The following SIN3A variants were observed in gnomAD, a reference collection of about 807,000 sequenced individuals.
SIN3A encodes the protein SIN3 transcription regulator family member A, also known as paired amphipathic helix protein Sin3a.
A neutral mutation model predicts 146.1 loss-of-function variants in SIN3A; 14 were observed. The observed-to-expected ratio is 0.10, with a 90% CI of 0.06 to 0.15. SIN3A has a LOEUF of 0.15. Among genes scored for constraint, SIN3A ranks in the 10% least tolerant of loss-of-function variants. The probability of loss-of-function intolerance (pLI) is 1.00; values close to 1 mark genes in which losing one functional copy is unlikely to be tolerated. For missense variants in SIN3A, 1,028 were observed against 1,576.0 expected, an observed-to-expected ratio of 0.65 and a Z score of 5.89; for synonymous variants, 572 against 572.0, an observed-to-expected ratio of 1.00 and a Z score of 0.00.
Position 75,430,311 on chromosome 15 carries a change from C to T in SIN3A, c.65G>A (p.Gly22Asp). ...CTGGTGAGGAAAAGCCTCTGTGCTG[C>T]CAGGGATCCGACGCTGCTGGGCTGC... ...VYAAQQRRIPGSTEAFPHQHR... is the reference protein window; with the variant it reads ...VYAAQQRRIPDSTEAFPHQHR... The change falls in exon 2 of 21, where the codon GGC (glycine) becomes GAC (aspartate). Residue 22 changes from glycine to aspartate, a missense_variant. Physicochemically the swap from Gly to Asp is moderately conservative, Grantham distance 94. Around this residue, in one of 9 missense-constraint regions of SIN3A, gnomAD observed 152 missense variants for 231.5 expected, o/e 0.66. Coordinates refer to ENST00000394947, the MANE Select transcript of SIN3A (RefSeq NM_001145358.2). 3 of 1,614,120 alleles carry T rather than the reference C, an allele frequency of 1.9e-6. No individual in the cohort carries two copies. The highest frequency in any genetic ancestry group is 2.5e-6 in the Non-Finnish European group (3 of 1,180,016).
intron 16 of SIN3A, 47 bp from the exon 17 acceptor site, chr15:75,384,484 C>T (rs1003606461): frequency 2.3e-5 from 31 of 1,327,904 alleles, no homozygotes; most frequent in Non-Finnish European, 2.8e-5. Flanking sequence ...GAAAACATTT[C>T]TCCATTATAC....
At chr15:75,378,466 A>T (rs975663465) in intron 19 of SIN3A, among the ~76,000 whole-genome samples, 6 of 152,194 alleles carry the variant, frequency 3.9e-5, no homozygotes, top group African/African-American at 1.4e-4. Flanking sequence ...CGGGAGGCTG[A>T]GGCAGGAGAA....
intron 1 of SIN3A, among the ~76,000 whole-genome samples, chr15:75,444,533 G>C (rs780059035): frequency 2.2e-4 from 33 of 151,906 alleles, no homozygotes; most frequent in Non-Finnish European, 3.8e-4. Flanking sequence ...TTTACAAGTA[G>C]TTAGTACTGC....
chr15:75,455,388 G>T (rs1358934087), upstream of SIN3A, among the ~76,000 whole-genome samples: 1 of 152,138 alleles, frequency 6.6e-6, no homozygotes. Context: ...TTTCTTTCCA[G>T]TATTTTTCTT....
intron 19 of SIN3A, 143 bp downstream of exon 19, chr15:75,380,486 C>T: frequency 1.6e-6 from 1 of 626,326 alleles, no homozygotes; most frequent in Non-Finnish European, 2.9e-6. Context: ...TTGTGACAGC[C>T]ATATAAAACC....
intron 20 of SIN3A, among the ~76,000 whole-genome samples, chr15:75,375,262 G>A (rs896002566): frequency 6.6e-6 from 1 of 152,076 alleles, no homozygotes; most frequent in Non-Finnish European, 1.5e-5. Flanking sequence ...CAGTACTTCC[G>A]AATGTGACCT....
Position 75,371,855 on chromosome 15 carries a change from G to T in SIN3A, c.*124C>A. On this transcript the variant is annotated 3_prime_UTR_variant, in exon 21 of 21. Transcript: ENST00000394947. ...GCACCAGCCACACACAGGTCAGGTG[G>T]CCATGTCCCAGAGAGGCCCAGTGAG... 1.2e-6 allele frequency: 1 copy of T among 815,580 alleles called. No individual in the cohort carries two copies. The allele number at this position is 815,580 out of a possible 1,614,324, so 50.5% of individuals were successfully genotyped here.
chr15:75,414,166 G>T, intron 4 of SIN3A, 39 bp downstream of exon 4: 1 of 1,045,928 alleles, frequency 9.6e-7, no homozygotes, highest in Non-Finnish European at 1.4e-6. Flanking sequence ...AAATCAATAT[G>T]CCAGATACAA....
At chr15:75,393,636 A>G (rs1434408919) in intron 14 of SIN3A, among the ~76,000 whole-genome samples, 3 of 152,154 alleles carry the variant, frequency 2.0e-5, no homozygotes, top group Admixed American at 6.5e-5. Flanking sequence ...CAGCCTCCCA[A>G]AGTGATGGGA....
At chr15:75,397,952 A>G (rs567443064) in intron 12 of SIN3A, among the ~76,000 whole-genome samples, 36 of 152,184 alleles carry the variant, frequency 2.4e-4, no homozygotes, top group Non-Finnish European at 4.1e-4. Flanking sequence ...GCTTTCTGCA[A>G]ATAGGTGCAA....
At chr15:75,398,431 T>G (rs1170736313) in intron 12 of SIN3A, among the ~76,000 whole-genome samples, 1 of 152,128 alleles carries the variant, frequency 6.6e-6, no homozygotes, top group Admixed American at 6.5e-5. Flanking sequence ...ATCCCAGCAC[T>G]TTGGAAGGCC....
Position 75,407,071 on chromosome 15 carries a change from G to A in SIN3A, c.1391C>T (p.Ser464Leu), listed in dbSNP as rs574020537. 38 of 1,610,214 alleles carry A rather than the reference G, an allele frequency of 2.4e-5. No homozygotes were observed. In the South Asian group the frequency reaches 2.7e-4, roughly 11 times the overall value. The change falls in exon 9 of 21, where the codon TCG (serine) becomes TTG (leucine). Residue 464 changes from serine to leucine, a missense_variant. Physicochemically the swap from Ser to Leu is moderately radical, Grantham distance 145. This residue lies in a region of SIN3A where 157 missense variants were observed against 284.8 expected (regional missense o/e 0.55). Transcript: ENST00000394947. ...DASKHGGGTE[S>L]LFFDKVRKAL... Reference sequence around the variant, plus strand: ...ATTACTCACCTTATCAAAAAATAACGATTCTGTTCCACCACCATGTTTGCT... The same window carrying A: ...ATTACTCACCTTATCAAAAAATAACAATTCTGTTCCACCACCATGTTTGCT...
chr15:75,425,079 G>T (rs1179805244), intron 2 of SIN3A, among the ~76,000 whole-genome samples: 1 of 152,214 alleles, frequency 6.6e-6, no homozygotes, highest in African/African-American at 2.4e-5. Context: ...TTACAAAGCA[G>T]TATGATAAAA....
chr15:75,369,801 AATT>A lies in SIN3A; in HGVS notation c.*2175_*2177del, dbSNP rs1455020219. 1 of 152,230 alleles carries A rather than the reference AATT, an allele frequency of 6.6e-6. No individual in the cohort carries two copies. Among genetic ancestry groups the A allele is most frequent in the Non-Finnish European group, 1.5e-5 (1 of 68,044 alleles). The allele number at this position is 152,230 out of a possible 1,614,324, so 9.4% of individuals were successfully genotyped here. ...TCTTGAGGGAACACGGGGATAGGTGAATTATTTGAGAAAACCTCAAGATCTTTC... is the reference window on the plus strand; with the variant it reads ...TCTTGAGGGAACACGGGGATAGGTGAATTTGAGAAAACCTCAAGATCTTTC... On this transcript the variant is annotated 3_prime_UTR_variant, in exon 21 of 21. Transcript: ENST00000394947.
intron 1 of SIN3A, among the ~76,000 whole-genome samples, chr15:75,433,008 C>T (rs532360606): frequency 6.6e-6 from 1 of 152,214 alleles, no homozygotes; most frequent in African/African-American, 2.4e-5. Context: ...ACCACTGCAC[C>T]CCAGGCTGGG....
At chr15:75,439,406 T>C (rs2074161215) in intron 1 of SIN3A, among the ~76,000 whole-genome samples, 1 of 151,986 alleles carries the variant, frequency 6.6e-6, no homozygotes, top group Admixed American at 6.6e-5. Flanking sequence ...AGTGGCGTGA[T>C]CTTGGCTCAC....
intron 9 of SIN3A, among the ~76,000 whole-genome samples, chr15:75,405,577 CCT>C (rs1036889356): frequency 1.1e-4 from 17 of 151,828 alleles, no homozygotes; most frequent in Admixed American, 4.6e-4. Context: ...ATGGTGAAAC[CCT>C]GTCTCTACTA....
rs746307141 is a variant in SIN3A, at chr15:75,394,834, T to G, written c.2123A>C (p.Glu708Ala). Residue 708 changes from glutamate (E) to alanine (A), a missense_variant, in exon 14 of 21, where the codon GAA becomes GCA. Coordinates refer to ENST00000394947, the MANE Select transcript of SIN3A (RefSeq NM_001145358.2). ...RLKMKEEEWR[E>A]AQRGFNKVWR... Reference sequence around the variant, plus strand: ...TACTTTGTTAAAGCCTCTCTGAGCTTCTCGCCATTCTTCCTCTTTCATCTT... The same window carrying G: ...TACTTTGTTAAAGCCTCTCTGAGCTGCTCGCCATTCTTCCTCTTTCATCTT... 6.2e-7 allele frequency: 1 copy of G among 1,613,788 alleles called. No homozygotes were observed. The highest frequency in any genetic ancestry group is 8.5e-7 in the Non-Finnish European group (1 of 1,179,928).
chr15:75,409,682 G>A (rs1452099636), intron 8 of SIN3A, among the ~76,000 whole-genome samples, 154 bp downstream of exon 8: 3 of 151,276 alleles, frequency 2.0e-5, no homozygotes, highest in African/African-American at 7.3e-5. Flanking sequence ...AGCCGAGATC[G>A]TGCCACTGCA....
Sources: gnomAD v4.1 joint callset for allele counts (sites outside exome capture counted in the v4.1 genomes callset) on GRCh38, gnomAD v4.1.1 for gene constraint, gnomAD v4.1.1 regional missense constraint, MANE v1.5 for transcripts, NCBI Gene and HGNC (gene_info 2026-07-23, HGNC 2026-07-21) for gene names.